Variants in ARHGAP32 observed in about 807,000 individuals in gnomAD.
The protein encoded by ARHGAP32 is rho GTPase-activating protein 32.
Under a neutral mutation model 186.5 loss-of-function variants are expected in ARHGAP32, and 51 were observed. The observed-to-expected ratio is 0.27, with a 90% confidence interval of 0.22 to 0.35. The LOEUF (loss-of-function observed/expected upper bound fraction) is 0.35, where lower values mean the gene tolerates loss of function less well. Ranked by LOEUF, ARHGAP32 falls within the 10% of genes least tolerant of loss-of-function variation. The probability of loss-of-function intolerance (pLI) is 1.00; values close to 1 mark genes in which losing one functional copy is unlikely to be tolerated. For synonymous variants in ARHGAP32, 950 were observed against 964.3 expected, an observed-to-expected ratio of 0.99 and a Z score of 0.27; for missense variants, 2,186 against 2,623.5, an observed-to-expected ratio of 0.83 and a Z score of 3.64.
rs143310797 is a variant in ARHGAP32 at position 128,968,450 on chromosome 11, G to C, written c.*457C>G. On this transcript the variant is annotated 3_prime_UTR_variant, in exon 23 of 23. Coordinates refer to ENST00000682385, the MANE Select transcript of ARHGAP32 (RefSeq NM_001378024.1). ...AAGTGACAACAGTGTGTCGATCTGC[G>C]CAAGTTGTGCAGCTACTGAAGGAGA... The C allele has an allele frequency of 6.5e-6, 1 of 152,714 alleles. No homozygotes were observed. The highest frequency in any genetic ancestry group is 1.9e-4 in the East Asian group (1 of 5,192). 9.5% of individuals were successfully genotyped at this position (152,714 alleles called of 1,614,324 possible). A position where few individuals can be genotyped will look rare whatever the true frequency, so the allele number is the denominator to read the frequency against.
intron 1 of ARHGAP32, among the ~76,000 whole-genome samples, chr11:129,212,381 T>C (rs748258918): frequency 2.8e-4 from 42 of 152,130 alleles, no homozygotes; most frequent in Admixed American, 1.6e-3. Flanking sequence ...GCAAAAATAT[T>C]GGTGTTTGTG....
intron 1 of ARHGAP32, among the ~76,000 whole-genome samples, chr11:129,272,466 C>T (rs1465772406): frequency 1.3e-5 from 2 of 152,206 alleles, no homozygotes; most frequent in Non-Finnish European, 2.9e-5. Flanking sequence ...TCTAAGGCTA[C>T]AACCCAGAAA....
At chr11:129,009,696 A>G (rs1248410689) in intron 11 of ARHGAP32, among the ~76,000 whole-genome samples, 1 of 152,104 alleles carries the variant, frequency 6.6e-6, no homozygotes, top group African/African-American at 2.4e-5. Context: ...ATAGTATTCC[A>G]TGATGTATAT....
intron 1 of ARHGAP32, among the ~76,000 whole-genome samples, chr11:129,239,659 AATGG>A (rs140356431): frequency 0.011 from 1,604 of 152,244 alleles, 76 homozygotes; most frequent in Admixed American, 0.073. Context: ...CATCATCTCT[AATGG>A]ACCCCCTCAC....
At chr11:129,237,597 G>A (rs1944952761) in intron 1 of ARHGAP32, among the ~76,000 whole-genome samples, 1 of 152,148 alleles carries the variant, frequency 6.6e-6, no homozygotes, top group African/African-American at 2.4e-5. Flanking sequence ...TGAACTGAGT[G>A]CATTACGTGG....
chr11:129,101,870 T>G (rs1479097857), intron 5 of ARHGAP32, among the ~76,000 whole-genome samples: 1 of 152,144 alleles, frequency 6.6e-6, no homozygotes, highest in African/African-American at 2.4e-5. Context: ...AGTAAGATAC[T>G]TCACAAGAAG....
At chr11:128,980,779 A>T (rs1330092079) in intron 17 of ARHGAP32, 31 bp from the exon 18 acceptor site, 1 of 1,506,226 alleles carries the variant, frequency 6.6e-7, no homozygotes, top group African/African-American at 1.4e-5. Flanking sequence ...TGATGAAGAG[A>T]GTCAACTACG....
chr11:129,267,176 A>G (rs1156764775), intron 1 of ARHGAP32, among the ~76,000 whole-genome samples: 3 of 152,184 alleles, frequency 2.0e-5, no homozygotes, highest in Non-Finnish European at 4.4e-5. Flanking sequence ...CCTGGCCAAC[A>G]TGGTGAAACC....
chr11:128,972,800 C>A lies in ARHGAP32; in HGVS notation c.3706G>T (p.Asp1236Tyr). The A allele has an allele frequency of 1.2e-6, 2 of 1,613,864 alleles. No homozygotes were observed. The highest frequency in any genetic ancestry group is 2.2e-5 in the South Asian group (2 of 91,040). ...AATTCTAAAGGGTGATGGAGTTTAT[C>A]CACACTTGCACCAAGATAAGAAGGA... ...QPPSYLGASV[D>Y]KLHHPLEFAD... is the part of the protein sequence containing the mutation. Residue 1236 changes from aspartate (D) to tyrosine (Y), a missense_variant, in exon 22 of 23, where the codon GAT becomes TAT. Asp to Tyr is a radical substitution (Grantham distance 160). This residue lies in a region of ARHGAP32 where 1,502 missense variants were observed against 1,570.0 expected (regional missense o/e 0.96). Coordinates refer to ENST00000682385, the MANE Select transcript of ARHGAP32 (RefSeq NM_001378024.1).
intron 2 of ARHGAP32, among the ~76,000 whole-genome samples, chr11:129,161,736 G>A (rs938361592): frequency 5.3e-5 from 8 of 152,264 alleles, no homozygotes; most frequent in Middle Eastern, 3.4e-3. Context: ...AAGACAGTGC[G>A]GCGATTCCTC....
intron 11 of ARHGAP32, among the ~76,000 whole-genome samples, chr11:129,017,830 G>A (rs1938423771): frequency 6.6e-6 from 1 of 152,080 alleles, no homozygotes; most frequent in Non-Finnish European, 1.5e-5. Context: ...ACTTGGGTTT[G>A]TTGGGTAGAA....
chr11:129,087,800 G>T (rs1225113141), intron 6 of ARHGAP32, among the ~76,000 whole-genome samples: 2 of 152,210 alleles, frequency 1.3e-5, no homozygotes. Context: ...TGTGGTGTGG[G>T]ATGTCAATAG....
intron 22 of ARHGAP32, chr11:128,971,451 A>G (rs1945371797): frequency 2.9e-6 from 1 of 342,920 alleles, no homozygotes; most frequent in Admixed American, 4.4e-5. Flanking sequence ...AAACCAAAAG[A>G]GAGGTTTAGT....
At position 128,973,057 on chromosome 11, in the gene ARHGAP32, G is replaced by A; in HGVS notation, c.3449C>T (p.Thr1150Ile). 6.2e-7 allele frequency: 1 copy of A among 1,614,160 alleles called. No homozygotes were observed. The highest frequency in any genetic ancestry group is 1.1e-5 in the South Asian group (1 of 91,090). Reference sequence around the variant, plus strand: ...TTGGTGATGTTGCTCCCCAGATTCAGTTGTGTTGGAATGGGTAGGATCCCC... The same window carrying A: ...TTGGTGATGTTGCTCCCCAGATTCAATTGTGTTGGAATGGGTAGGATCCCC... ...ATGDPTHSNT[T>I]ESGEQHHQVD... is the part of the protein sequence containing the mutation. Residue 1150 changes from threonine to isoleucine, a missense_variant, in exon 22 of 23, where the codon ACT becomes ATT. Thr to Ile is a moderately conservative substitution (Grantham distance 89). This residue lies in a region of ARHGAP32 where 1,502 missense variants were observed against 1,570.0 expected (regional missense o/e 0.96). Transcript: ENST00000682385.
At chr11:129,243,410 C>T (rs1277023982) in intron 1 of ARHGAP32, among the ~76,000 whole-genome samples, 2 of 152,134 alleles carry the variant, frequency 1.3e-5, no homozygotes, top group Non-Finnish European at 2.9e-5. Context: ...AAATATGATA[C>T]AGTACTATCC....
Position 129,185,256 on chromosome 11 carries a change from G to A in ARHGAP32, c.116+6827C>T, listed in dbSNP as rs566665674. Among the ~76,000 whole-genome samples, 16 of 152,262 alleles carry A rather than the reference G, an allele frequency of 1.1e-4. 1 individual carries two copies. The highest frequency in any genetic ancestry group is 7.2e-4 in the Admixed American group (11 of 15,280). ...AGAAAATGTGGCACATATACACCAC[G>A]GAATACTATGCAGCCATAAAAAATG... On this transcript the variant is annotated intron_variant, in intron 1 of 22. Coordinates refer to ENST00000682385, the MANE Select transcript of ARHGAP32 (RefSeq NM_001378024.1).
intron 1 of ARHGAP32, among the ~76,000 whole-genome samples, chr11:129,200,619 C>T (rs536562273): frequency 6.6e-6 from 1 of 152,194 alleles, no homozygotes; most frequent in Admixed American, 6.5e-5. Context: ...TACCCAGTCT[C>T]GGGTATGTCT....
At chr11:129,205,306 TGA>T (rs1422881859) in intron 1 of ARHGAP32, among the ~76,000 whole-genome samples, 1 of 152,170 alleles carries the variant, frequency 6.6e-6, no homozygotes, top group Non-Finnish European at 1.5e-5. Context: ...AAGTGTCAAC[TGA>T]GAATTTTCAA....
chr11:129,106,501 A>G (rs1004610383), intron 5 of ARHGAP32, among the ~76,000 whole-genome samples: 7 of 152,056 alleles, frequency 4.6e-5, no homozygotes, highest in Non-Finnish European at 1.0e-4. Flanking sequence ...GATGGTAACA[A>G]TAGACACTGG....
Sources: gnomAD v4.1 joint callset for allele counts (sites outside exome capture counted in the v4.1 genomes callset) on GRCh38, gnomAD v4.1.1 for gene constraint, gnomAD v4.1.1 regional missense constraint, MANE v1.5 for transcripts, NCBI Gene and HGNC (gene_info 2026-07-23, HGNC 2026-07-21) for gene names.